Variants in PRKCB observed in about 807,000 individuals in gnomAD.
PRKCB encodes the protein protein kinase C beta.
In PRKCB, 13 loss-of-function variants were observed where a neutral mutation model predicts 81.5. The ratio of observed to expected loss-of-function variants is 0.16; its 90% CI spans 0.10 to 0.25. The LOEUF (loss-of-function observed/expected upper bound fraction) is 0.25, where lower values mean the gene tolerates loss of function less well. Among genes scored for constraint, PRKCB ranks in the 10% least tolerant of loss-of-function variants. The pLI is 1.00. For synonymous variants in PRKCB, 335 were observed against 321.4 expected, an observed-to-expected ratio of 1.04 and a Z score of -0.45; for missense variants, 509 against 875.7, an observed-to-expected ratio of 0.58 and a Z score of 5.29.
intron 2 of PRKCB, among the ~76,000 whole-genome samples, chr16:23,938,655 A>G (rs1342230739): frequency 6.6e-6 from 1 of 152,198 alleles, no homozygotes; most frequent in African/African-American, 2.4e-5. Context: ...TTAATCTATC[A>G]TCTTTTATTG....
At chr16:24,060,454 G>A (rs993411723) in intron 5 of PRKCB, among the ~76,000 whole-genome samples, 1 of 152,142 alleles carries the variant, frequency 6.6e-6, no homozygotes, top group African/African-American at 2.4e-5. Context: ...TTCCCTAAGC[G>A]CTGAACTTCC....
chr16:24,172,232 A>G (rs1188396103), intron 10 of PRKCB, 38 bp from the exon 11 acceptor site: 1 of 1,502,246 alleles, frequency 6.7e-7, no homozygotes, highest in African/African-American at 1.4e-5. Flanking sequence ...CCCAGAAGCT[A>G]CGGGATGCTA....
At chr16:23,960,038 G>A (rs988385872) in intron 2 of PRKCB, among the ~76,000 whole-genome samples, 1 of 152,084 alleles carries the variant, frequency 6.6e-6, no homozygotes, top group Non-Finnish European at 1.5e-5. Flanking sequence ...TAGTCCATTC[G>A]GTCCATAGGC....
chr16:24,146,184 C>T (rs1966986790), intron 9 of PRKCB, among the ~76,000 whole-genome samples: 1 of 152,158 alleles, frequency 6.6e-6, no homozygotes, highest in African/African-American at 2.4e-5. Flanking sequence ...TCAGAATCTT[C>T]AGAAGGAACC....
intron 3 of PRKCB, among the ~76,000 whole-genome samples, chr16:24,015,148 T>C (rs1965260604): frequency 6.6e-6 from 1 of 152,076 alleles, no homozygotes; most frequent in Admixed American, 6.6e-5. Flanking sequence ...AGAGGTTGGG[T>C]AACCTGTCCA....
chr16:23,884,412 C>T (rs1320891131), intron 2 of PRKCB, among the ~76,000 whole-genome samples: 1 of 152,228 alleles, frequency 6.6e-6, no homozygotes, highest in Non-Finnish European at 1.5e-5. Flanking sequence ...TCCCTTAGCT[C>T]TCGTTTTCTG....
Position 24,071,326 on chromosome 16 carries a change from G to A in PRKCB, c.530-21465G>A, listed in dbSNP as rs150436895. Among the ~76,000 whole-genome samples, 531 of 151,532 alleles carry A rather than the reference G, an allele frequency of 3.5e-3. 1 individual carries two copies. Among genetic ancestry groups the A allele is most frequent in the African/African-American group, 0.012 (515 of 41,204 alleles). Reference sequence around the variant, plus strand: ...ATTGCCTTGAAAACAAAACATGGCCGGGCACGATGGCTGACGTCTGTAATC... The same window carrying A: ...ATTGCCTTGAAAACAAAACATGGCCAGGCACGATGGCTGACGTCTGTAATC... On this transcript the variant is annotated intron_variant, in intron 5 of 16. Transcript: ENST00000643927.
intron 3 of PRKCB, among the ~76,000 whole-genome samples, chr16:24,019,269 A>G (rs1348086697): frequency 1.3e-5 from 2 of 151,348 alleles, no homozygotes; most frequent in African/African-American, 2.4e-5. Context: ...ACTTGAGCCC[A>G]GAAGTTTGAG....
At chr16:23,918,027 A>G (rs1195669349) in intron 2 of PRKCB, among the ~76,000 whole-genome samples, 3 of 152,214 alleles carry the variant, frequency 2.0e-5, no homozygotes, top group Non-Finnish European at 4.4e-5. Flanking sequence ...GATGAGAGGA[A>G]AATATGGGGA....
At position 24,055,354 on chromosome 16, in the gene PRKCB, A is replaced by G. The variant is rs569125157; in HGVS notation, c.529+19807A>G. Among the ~76,000 whole-genome samples the G allele has an allele frequency of 3.9e-5, 6 of 152,336 alleles. No homozygotes were observed. The East Asian group carries it at 1.2e-3, about 29-fold the overall frequency. Reference sequence around the variant, plus strand: ...ATCAGCTGCCTGCTGGGTTCTGAGAAGCACTAGGGAAGGAAGGGAGATGGC... The same window carrying G: ...ATCAGCTGCCTGCTGGGTTCTGAGAGGCACTAGGGAAGGAAGGGAGATGGC... On this transcript the variant is annotated intron_variant, in intron 5 of 16. Transcript: ENST00000643927.
chr16:23,943,331 C>T (rs184505726), intron 2 of PRKCB, among the ~76,000 whole-genome samples: 6 of 152,110 alleles, frequency 3.9e-5, no homozygotes, highest in African/African-American at 7.2e-5. Flanking sequence ...TCAAGACCAA[C>T]GTGGACAACA....
At chr16:23,877,965 T>G (rs1171199267) in intron 2 of PRKCB, among the ~76,000 whole-genome samples, 3 of 151,958 alleles carry the variant, frequency 2.0e-5, no homozygotes, top group Non-Finnish European at 2.9e-5. Flanking sequence ...TCCTGAGTAG[T>G]TGGGACTACA....
In PRKCB at chr16:24,212,346, G is replaced by A. The variant is rs527268052; in HGVS notation, c.1864-2312G>A. ...GGCAAATGTCTGTTTCATTGAAAGT[G>A]CTCACTGGTTTTTATTACTCTTGTT... On this transcript the variant is annotated intron_variant, in intron 16 of 16. Coordinates refer to ENST00000643927, the MANE Select transcript of PRKCB (RefSeq NM_002738.7). Among the ~76,000 whole-genome samples, 167 of 138,566 alleles carry A rather than the reference G, an allele frequency of 1.2e-3. 3 individuals carry two copies. Among genetic ancestry groups the A allele is most frequent in the Middle Eastern group, 0.011 (2 of 182 alleles). 90.9% of individuals were successfully genotyped at this position (138,566 alleles called of 152,430 possible). A position where few individuals can be genotyped will look rare whatever the true frequency, so the allele number is the denominator to read the frequency against.
intron 2 of PRKCB, among the ~76,000 whole-genome samples, chr16:23,868,871 G>A (rs1394517700): frequency 1.3e-5 from 2 of 152,118 alleles, no homozygotes; most frequent in African/African-American, 4.8e-5. Flanking sequence ...CAGTACAGCT[G>A]GTCTCCCAAG....
chr16:23,893,569 A>G (rs1426094335), intron 2 of PRKCB: 5 of 152,230 alleles, frequency 3.3e-5, no homozygotes, highest in African/African-American at 1.2e-4. Context: ...CATTTTTAAA[A>G]AGGAAAAAAA....
At chr16:23,898,899 G>T (rs1459683205) in intron 2 of PRKCB, among the ~76,000 whole-genome samples, 2 of 152,214 alleles carry the variant, frequency 1.3e-5, no homozygotes, top group Non-Finnish European at 2.9e-5. Flanking sequence ...GGGTGATAGT[G>T]ATCGTGTATA....
Position 24,219,486 on chromosome 16 carries a change from G to A in PRKCB, c.*4670G>A, listed in dbSNP as rs1429519521. The A allele has an allele frequency of 1.0e-6, 1 of 987,548 alleles. No individual in the cohort carries two copies. Among genetic ancestry groups the A allele is most frequent in the Non-Finnish European group, 1.2e-6 (1 of 831,466 alleles). The allele number at this position is 987,548 out of a possible 1,614,324, so 61.2% of individuals were successfully genotyped here. On this transcript the variant is annotated 3_prime_UTR_variant, in exon 17 of 17. Transcript: ENST00000643927. ...GCCATTCTGCCTTCTTGGGGGCAGA[G>A]TAGATGGGCAGCAGTTCACCTTTTC...
At chr16:24,150,536 GTTC>G (rs1967063895) in intron 9 of PRKCB, among the ~76,000 whole-genome samples, 1 of 152,102 alleles carries the variant, frequency 6.6e-6, no homozygotes, top group Non-Finnish European at 1.5e-5. Flanking sequence ...CAATCAGAAG[GTTC>G]TTCTAATAAC....
At chr16:24,100,634 C>T (rs1054974911) in intron 7 of PRKCB, among the ~76,000 whole-genome samples, 1 of 152,230 alleles carries the variant, frequency 6.6e-6, no homozygotes, top group Non-Finnish European at 1.5e-5. Flanking sequence ...CACCACCTGT[C>T]CTTTCTCCTT....
Sources: allele counts gnomAD v4.1 joint callset (sites outside exome capture counted in the v4.1 genomes callset), GRCh38; gene constraint gnomAD v4.1.1; transcripts MANE v1.5; gene names NCBI Gene and HGNC (gene_info 2026-07-23, HGNC 2026-07-21).